The following NHEJ1 variants were observed in gnomAD, a reference collection of about 807,000 sequenced individuals.
NHEJ1 encodes the protein non-homologous end-joining factor 1.
A neutral mutation model predicts 39.4 loss-of-function variants in NHEJ1; 22 were observed. That is an observed-to-expected ratio of 0.56 (90% CI 0.40 to 0.80). The LOEUF (loss-of-function observed/expected upper bound fraction) is 0.80, where lower values mean the gene tolerates loss of function less well. Among genes scored for constraint, NHEJ1 ranks in the 30% least tolerant of loss-of-function variants. The pLI, the probability that NHEJ1 is intolerant of heterozygous loss-of-function variation, is 0.00. For synonymous variants in NHEJ1, 154 were observed against 135.6 expected, an observed-to-expected ratio of 1.14 and a Z score of -0.94; for missense variants, 329 against 357.1, an observed-to-expected ratio of 0.92 and a Z score of 0.63.
intron 5 of NHEJ1, among the ~76,000 whole-genome samples, chr2:219,115,757 T>C (rs1949408013): frequency 6.6e-6 from 1 of 152,170 alleles, no homozygotes; most frequent in Non-Finnish European, 1.5e-5. Flanking sequence ...TCTCCGCATT[T>C]TACCCAGCTC....
intron 5 of NHEJ1, among the ~76,000 whole-genome samples, chr2:219,135,998 C>A (rs927662974): frequency 6.6e-6 from 1 of 152,210 alleles, no homozygotes; most frequent in East Asian, 1.9e-4. Flanking sequence ...GGTCTAGATA[C>A]AGGGACATGC....
intron 1 of NHEJ1, among the ~76,000 whole-genome samples, chr2:219,159,913 TTTTG>T (rs1168438044): frequency 6.6e-6 from 1 of 151,776 alleles, no homozygotes; most frequent in Non-Finnish European, 1.5e-5. Context: ...AATTGATGGG[TTTTG>T]TTTGTCTGTT....
rs1949277769 is a variant in NHEJ1, at chr2:219,102,943, T to G, written c.589-24737A>C. ...TGGCGTGAACCCGGGAGGCGGAGCT[T>G]GCAGTGAGCCGAGATCCCGCCACTG... is the stretch of plus-strand genomic sequence containing the variant. On this transcript the variant is annotated intron_variant, in intron 5 of 7. Transcript: ENST00000356853. Among the ~76,000 whole-genome samples, 9 of 132,740 alleles carry G rather than the reference T, an allele frequency of 6.8e-5. No individual in the cohort carries two copies. In the South Asian group the frequency reaches 2.2e-3, roughly 32 times the overall value. The allele number at this position is 132,740 out of a possible 152,430, so 87.1% of individuals were successfully genotyped here.
chr2:219,131,310 A>C (rs1949576752), intron 5 of NHEJ1, among the ~76,000 whole-genome samples: 1 of 152,176 alleles, frequency 6.6e-6, no homozygotes, highest in African/African-American at 2.4e-5. Flanking sequence ...TTATTAGTTC[A>C]TTTAGGGATG....
chr2:219,108,697 G>C (rs970173209), intron 5 of NHEJ1, among the ~76,000 whole-genome samples: 7 of 152,012 alleles, frequency 4.6e-5, no homozygotes, highest in African/African-American at 9.7e-5. Context: ...CTGATTCCAA[G>C]ATGCTATTAT....
intron 5 of NHEJ1, among the ~76,000 whole-genome samples, chr2:219,107,935 G>GA (rs765446353): frequency 7.5e-4 from 109 of 144,536 alleles, no homozygotes; most frequent in African/African-American, 6.3e-4. Flanking sequence ...GGTTAACAGA[G>GA]AAAAAAAAAA....
At position 219,111,624 on chromosome 2, in the gene NHEJ1, T is replaced by TACGGAC. The variant is rs1949365418; in HGVS notation, c.589-33419_589-33418insGTCCGT. ...ACCAGAATTAAGTCTACAGTGTGAA[T>TACGGAC]ACAGACACACACACACACACACACA... On this transcript the variant is annotated intron_variant, in intron 5 of 7. Coordinates refer to ENST00000356853, the MANE Select transcript of NHEJ1 (RefSeq NM_024782.3). This position sits in a 1 kb window ranked among gnomAD's most constrained non-coding sequence, Gnocchi z 4.1. Among the ~76,000 whole-genome samples the TACGGAC allele has an allele frequency of 1.8e-5, 1 of 54,462 alleles. No homozygotes were observed. The highest frequency in any genetic ancestry group is 1.9e-4 in the Admixed American group (1 of 5,216). 35.7% of individuals were successfully genotyped at this position (54,462 alleles called of 152,430 possible). A position where few individuals can be genotyped will look rare whatever the true frequency, so the allele number is the denominator to read the frequency against.
intron 3 of NHEJ1, among the ~76,000 whole-genome samples, chr2:219,152,015 CCA>C (rs1949801057): frequency 6.6e-6 from 1 of 152,050 alleles, no homozygotes; most frequent in Non-Finnish European, 1.5e-5. Context: ...CAAAGCAAAT[CCA>C]CAGACACTAT....
rs1949865472 is a variant in NHEJ1 at position 219,157,485 on chromosome 2, G to C, written c.377C>G (p.Ala126Gly). The part of the protein sequence containing the change: ...PFYWNFHCML[A>G]SPSLVSQHLI... ...AATTACACTTACCAGGGAAGGACTA[G>C]CTAGCATGCAGTGGAAATTCCAATA... Residue 126 changes from alanine (A) to glycine (G), a missense_variant, in exon 3 of 8, where the codon GCT (alanine) becomes GGT (glycine). Physicochemically the swap from Ala to Gly is moderately conservative, Grantham distance 60 (BLOSUM62 0). Transcript: ENST00000356853. The C allele has an allele frequency of 6.2e-7, 1 of 1,613,624 alleles. No homozygotes were observed. Among genetic ancestry groups the C allele is most frequent in the Non-Finnish European group, 8.5e-7 (1 of 1,179,948 alleles).
chr2:219,149,410 G>C (rs907652896), intron 3 of NHEJ1, among the ~76,000 whole-genome samples: 1 of 152,212 alleles, frequency 6.6e-6, no homozygotes, highest in Non-Finnish European at 1.5e-5. Context: ...GAGTCCAAGA[G>C]TTCGAGTCCA....
At chr2:219,157,826 G>T in intron 2 of NHEJ1, 142 bp from the exon 3 acceptor site, 1 of 749,900 alleles carries the variant, frequency 1.3e-6, no homozygotes, top group African/African-American at 1.8e-5. Flanking sequence ...ATCACAAGGG[G>T]AAAGAAGAAA....
At chr2:219,110,585 C>T (rs1192156379) in intron 5 of NHEJ1, among the ~76,000 whole-genome samples, 2 of 134,204 alleles carry the variant, frequency 1.5e-5, no homozygotes, top group Non-Finnish European at 1.5e-5. Flanking sequence ...GAGAAAAGTA[C>T]AGCAGAGACA....
intron 5 of NHEJ1, among the ~76,000 whole-genome samples, chr2:219,100,682 G>A (rs1255096885): frequency 2.7e-5 from 4 of 150,836 alleles, no homozygotes; most frequent in South Asian, 2.1e-4. Context: ...GCTTATACAC[G>A]CTGGAAGAGA....
intron 3 of NHEJ1, among the ~76,000 whole-genome samples, chr2:219,149,218 T>C (rs1949772283): frequency 6.6e-6 from 1 of 152,058 alleles, no homozygotes; most frequent in South Asian, 2.1e-4. Context: ...GTAAGAAGAA[T>C]GCAAACGCAG....
chr2:219,109,600 T>C (rs1054182715), intron 5 of NHEJ1, among the ~76,000 whole-genome samples: 1 of 151,980 alleles, frequency 6.6e-6, no homozygotes. Flanking sequence ...ACTACAACCA[T>C]TCACAATGCA....
chr2:219,101,193 C>T (rs1949256895), intron 5 of NHEJ1, among the ~76,000 whole-genome samples: 1 of 152,188 alleles, frequency 6.6e-6, no homozygotes, highest in Non-Finnish European at 1.5e-5. Flanking sequence ...TGGCTCACTG[C>T]AACCTCTGCC....
chr2:219,079,614 C>A (rs1004346132), intron 5 of NHEJ1, among the ~76,000 whole-genome samples: 1 of 152,226 alleles, frequency 6.6e-6, no homozygotes, highest in Non-Finnish European at 1.5e-5. Context: ...CGAGTCCAAA[C>A]TTTGCCTCTA....
At chr2:219,089,786 G>T (rs1024715886) in intron 5 of NHEJ1, among the ~76,000 whole-genome samples, 1 of 152,176 alleles carries the variant, frequency 6.6e-6, no homozygotes, top group African/African-American at 2.4e-5. Context: ...TTTTAAAATA[G>T]ATAAAGTCTC....
chr2:219,088,927 C>T (rs1284901285), intron 5 of NHEJ1, among the ~76,000 whole-genome samples: 1 of 152,206 alleles, frequency 6.6e-6, no homozygotes, highest in Non-Finnish European at 1.5e-5. Context: ...ATTCTCCTGC[C>T]TCAGCCTCCC....
Sources: gnomAD v4.1 joint callset for allele counts (sites outside exome capture counted in the v4.1 genomes callset) on GRCh38, gnomAD v4.1.1 for gene constraint, Gnocchi (gnomAD v3.1) non-coding constraint, MANE v1.5 for transcripts, NCBI Gene and HGNC (gene_info 2026-07-23, HGNC 2026-07-21) for gene names.